The following SLIT3 variants were observed in gnomAD, a reference collection of about 807,000 sequenced individuals.
The protein encoded by SLIT3 is slit homolog 3 protein.
A neutral mutation model predicts 184.0 loss-of-function variants in SLIT3; 68 were observed. That is an observed-to-expected ratio of 0.37 (90% CI 0.30 to 0.45). The LOEUF is 0.45. SLIT3 is among the 20% of genes least tolerant of loss of function. SLIT3 has a pLI of 1.00. For missense variants in SLIT3, 1,707 were observed against 2,026.0 expected, an observed-to-expected ratio of 0.84 and a Z score of 3.02; for synonymous variants, 831 against 828.6, an observed-to-expected ratio of 1.00 and a Z score of -0.05.
intron 6 of SLIT3, among the ~76,000 whole-genome samples, chr5:168,840,061 C>A (rs1431157369): frequency 6.6e-6 from 1 of 152,202 alleles, no homozygotes; most frequent in African/African-American, 2.4e-5. Flanking sequence ...CAGCGCCAAC[C>A]TATAATAATG....
Position 168,664,884 on chromosome 5 carries a change from T to G in SLIT3, c.*1570A>C, listed in dbSNP as rs924564867. On this transcript the variant is annotated 3_prime_UTR_variant, in exon 36 of 36. Transcript: ENST00000519560. ...TTCAGGAATGGAGGCAGAGGCTGGATAGGCTGCCCTTGGTCACTTTCCCTA... is the reference window on the plus strand; with the variant it reads ...TTCAGGAATGGAGGCAGAGGCTGGAGAGGCTGCCCTTGGTCACTTTCCCTA... 6.6e-5 allele frequency: 10 copies of G among 152,194 alleles called. No homozygotes were observed. Among genetic ancestry groups the G allele is most frequent in the African/African-American group, 2.4e-4 (10 of 41,438 alleles). The allele number at this position is 152,194 out of a possible 1,614,324, so 9.4% of individuals were successfully genotyped here. A position where few individuals can be genotyped will look rare whatever the true frequency, so the allele number is the denominator to read the frequency against.
At chr5:169,119,589 C>G (rs1269821816) in intron 4 of SLIT3, among the ~76,000 whole-genome samples, 1 of 152,146 alleles carries the variant, frequency 6.6e-6, no homozygotes, top group African/African-American at 2.4e-5. Context: ...TTCTGTCTAC[C>G]AGGCTGGCAG....
At chr5:169,119,634 G>A (rs562152361) in intron 4 of SLIT3, among the ~76,000 whole-genome samples, 3 of 152,206 alleles carry the variant, frequency 2.0e-5, no homozygotes, top group African/African-American at 7.2e-5. Flanking sequence ...TCCAATTTCA[G>A]GTGAACAGTC....
At chr5:169,006,323 C>T (rs113661825) in intron 4 of SLIT3, among the ~76,000 whole-genome samples, 29 of 152,244 alleles carry the variant, frequency 1.9e-4, no homozygotes, top group African/African-American at 5.1e-4. Context: ...CTAAGAGATG[C>T]GACAATGAGA....
At chr5:168,754,055 CTTGA>C in intron 16 of SLIT3, 48 bp from the exon 17 acceptor site, 2 of 1,520,490 alleles carry the variant, frequency 1.3e-6, no homozygotes, top group Non-Finnish European at 1.8e-6. Context: ...AGCAGATGGT[CTTGA>C]TGCCGGGAGG....
chr5:169,207,737 A>C lies in SLIT3; in HGVS notation c.342-14187T>G, dbSNP rs531718970. Among the ~76,000 whole-genome samples, 163 of 152,250 alleles carry C rather than the reference A, an allele frequency of 1.1e-3. 1 individual carries two copies. Among genetic ancestry groups the C allele is most frequent in the African/African-American group, 3.7e-3 (152 of 41,562 alleles). ...CTGTCCTTCCCCCACTAAAATTCAC[A>C]TTCAAAATTCAACCACTGAGATGAT... On this transcript the variant is annotated intron_variant, in intron 3 of 35. Transcript: ENST00000519560.
At chr5:168,977,307 A>C (rs192259210) in intron 4 of SLIT3, among the ~76,000 whole-genome samples, 161 of 152,312 alleles carry the variant, frequency 1.1e-3, no homozygotes, top group Middle Eastern at 6.8e-3. Flanking sequence ...GCCCCATCGC[A>C]AGACCTACTC....
intron 4 of SLIT3, among the ~76,000 whole-genome samples, chr5:169,149,505 C>T (rs1403113669): frequency 6.6e-6 from 1 of 151,896 alleles, no homozygotes; most frequent in Non-Finnish European, 1.5e-5. Flanking sequence ...CTCCAGAGAC[C>T]CCTGGTACAC....
At chr5:168,798,433 T>A (rs560423698) in intron 9 of SLIT3, among the ~76,000 whole-genome samples, 2 of 152,156 alleles carry the variant, frequency 1.3e-5, no homozygotes, top group South Asian at 2.1e-4. Context: ...CTCACTATGT[T>A]GGCCAGGCTT....
chr5:168,904,100 G>T (rs1760964296), intron 4 of SLIT3, among the ~76,000 whole-genome samples: 1 of 152,126 alleles, frequency 6.6e-6, no homozygotes, highest in Admixed American at 6.5e-5. Flanking sequence ...AGGCCCTGTT[G>T]CCCCTGTGTC....
intron 33 of SLIT3, 34 bp from the exon 34 acceptor site, chr5:168,671,517 A>T: frequency 6.3e-7 from 1 of 1,577,546 alleles, no homozygotes; most frequent in Non-Finnish European, 8.6e-7. Flanking sequence ...TGGCCTGAAG[A>T]CCCTCCCCTG....
At chr5:168,670,603 CAAG>C (rs1761207825) in intron 34 of SLIT3, among the ~76,000 whole-genome samples, 1 of 152,220 alleles carries the variant, frequency 6.6e-6, no homozygotes, top group Admixed American at 6.5e-5. Flanking sequence ...AAGAGCAACA[CAAG>C]AAGCTCAAAC....
intron 4 of SLIT3, among the ~76,000 whole-genome samples, chr5:168,890,070 C>T (rs902261227): frequency 4.3e-5 from 6 of 141,092 alleles, no homozygotes; most frequent in East Asian, 4.3e-4. Flanking sequence ...AACCCGGGAG[C>T]GGGAGGTTGC....
At chr5:169,139,097 C>A (rs1335542235) in intron 4 of SLIT3, among the ~76,000 whole-genome samples, 1 of 152,220 alleles carries the variant, frequency 6.6e-6, no homozygotes. Context: ...AGTCCTCTGT[C>A]ACTGGTGATT....
chr5:169,052,095 T>C (rs574032187), intron 4 of SLIT3, among the ~76,000 whole-genome samples: 4 of 148,460 alleles, frequency 2.7e-5, no homozygotes, highest in South Asian at 2.2e-4. Flanking sequence ...TTCACAGAAA[T>C]GCGTGTGCAT....
intron 4 of SLIT3, among the ~76,000 whole-genome samples, chr5:169,183,087 A>G (rs979253238): frequency 6.6e-6 from 1 of 152,132 alleles, no homozygotes; most frequent in African/African-American, 2.4e-5. Flanking sequence ...CAGGTTAGAC[A>G]TTTCTGGGTT....
intron 3 of SLIT3, among the ~76,000 whole-genome samples, chr5:169,237,558 A>G (rs1765245984): frequency 6.6e-6 from 1 of 152,196 alleles, no homozygotes; most frequent in South Asian, 2.1e-4. Flanking sequence ...ACTCCACCTC[A>G]CCAGCAATTA....
At chr5:169,264,558 TCTC>T (rs946145293) in intron 1 of SLIT3, among the ~76,000 whole-genome samples, 1 of 152,048 alleles carries the variant, frequency 6.6e-6, no homozygotes, top group African/African-American at 2.4e-5. Flanking sequence ...TCTTCCTCTG[TCTC>T]CTCTCCCCAG....
chr5:169,256,905 C>T (rs917706743), intron 1 of SLIT3, among the ~76,000 whole-genome samples: 1 of 152,076 alleles, frequency 6.6e-6, no homozygotes, highest in Non-Finnish European at 1.5e-5. Flanking sequence ...GCTTAGGATA[C>T]CATGGGAATC....
Sources: gnomAD v4.1 joint callset for allele counts (sites outside exome capture counted in the v4.1 genomes callset) on GRCh38, gnomAD v4.1.1 for gene constraint, MANE v1.5 for transcripts, NCBI Gene and HGNC (gene_info 2026-07-23, HGNC 2026-07-21) for gene names.